The following OPRM1 variants were observed in gnomAD, a reference collection of about 807,000 sequenced individuals.
The protein encoded by OPRM1 is mu-type opioid receptor.
OPRM1 carries 27 observed loss-of-function variants against 31.8 expected under a neutral mutation model. The ratio of observed to expected loss-of-function variants is 0.85; its 90% CI spans 0.63 to 1.17. The LOEUF is 1.17. OPRM1 is among the 50% of genes most tolerant of loss of function. The pLI is 0.00. For synonymous variants in OPRM1, 196 were observed against 189.9 expected, an observed-to-expected ratio of 1.03 and a Z score of -0.26; for missense variants, 536 against 511.1, an observed-to-expected ratio of 1.05 and a Z score of -0.47.
At chr6:154,019,072 A>G (rs536504053) in intron 1 of OPRM1, among the ~76,000 whole-genome samples, 7 of 151,998 alleles carry the variant, frequency 4.6e-5, no homozygotes, top group Non-Finnish European at 8.8e-5. Flanking sequence ...CAAATCGAGC[A>G]CCCAACCTCT....
intron 1 of OPRM1, among the ~76,000 whole-genome samples, chr6:154,059,420 G>C (rs370180643): frequency 1.3e-5 from 2 of 152,178 alleles, no homozygotes; most frequent in African/African-American, 4.8e-5. Context: ...TGTGTGACTA[G>C]TGAGTGCTAA....
Position 154,150,540 on chromosome 6 carries a change from C to T in OPRM1, c.1164+59068C>T, listed in dbSNP as rs577953478. Among the ~76,000 whole-genome samples the T allele has an allele frequency of 7.2e-5, 11 of 152,324 alleles. No individual in the cohort carries two copies. In the South Asian group the frequency reaches 2.1e-3, roughly 29 times the overall value. On this transcript the variant is annotated intron_variant, in intron 3 of 3. Coordinates refer to the OPRM1 transcript ENST00000337049. ...GGCCAGGCATTGTCTTATAAGGTCC[C>T]TGCCTCATGGGAACCCTCTGGGTAG...
intron 1 of OPRM1, among the ~76,000 whole-genome samples, chr6:154,049,967 C>G (rs1252864435): frequency 6.6e-6 from 1 of 151,996 alleles, no homozygotes; most frequent in African/African-American, 2.4e-5. Flanking sequence ...CTGTATTTTT[C>G]TTTTTTTGAT....
At chr6:154,013,654 G>C (rs897894226) in intron 1 of OPRM1, among the ~76,000 whole-genome samples, 3 of 152,124 alleles carry the variant, frequency 2.0e-5, no homozygotes, top group Non-Finnish European at 4.4e-5. Context: ...TCACATTTCA[G>C]CAATACGTAT....
At chr6:154,054,678 T>C (rs1254431075) in intron 1 of OPRM1, among the ~76,000 whole-genome samples, 1 of 152,206 alleles carries the variant, frequency 6.6e-6, no homozygotes, top group Non-Finnish European at 1.5e-5. Context: ...GTTTTGAAAA[T>C]TTCTCTAAAT....
chr6:154,174,540 G>C (rs1472733500), intron 3 of OPRM1, among the ~76,000 whole-genome samples: 1 of 152,030 alleles, frequency 6.6e-6, no homozygotes, highest in East Asian at 1.9e-4. Context: ...TGATAAAACA[G>C]ACTTTAAACC....
At chr6:154,056,598 G>T (rs1441102367) in intron 1 of OPRM1, among the ~76,000 whole-genome samples, 1 of 151,610 alleles carries the variant, frequency 6.6e-6, no homozygotes, top group African/African-American at 2.4e-5. Context: ...TGACAACCTG[G>T]AATCTTACGG....
intron 3 of OPRM1, among the ~76,000 whole-genome samples, chr6:154,153,261 T>C (rs377744630): frequency 6.6e-6 from 1 of 152,148 alleles, no homozygotes; most frequent in Non-Finnish European, 1.5e-5. Flanking sequence ...GTAAGCAGGA[T>C]AGTGTTCAGT....
chr6:154,189,271 G>A (rs1245475235), intron 3 of OPRM1, among the ~76,000 whole-genome samples: 3 of 152,150 alleles, frequency 2.0e-5, no homozygotes, highest in Non-Finnish European at 4.4e-5. Flanking sequence ...CTTTGAGAGC[G>A]CTCATCCATG....
At chr6:154,062,463 T>A (rs1243513821) in intron 1 of OPRM1, among the ~76,000 whole-genome samples, 1 of 152,108 alleles carries the variant, frequency 6.6e-6, no homozygotes, top group African/African-American at 2.4e-5. Context: ...ACTTCTTTGC[T>A]TTGCCAAATT....
At chr6:154,191,145 G>A (rs2128580851) in intron 3 of OPRM1, among the ~76,000 whole-genome samples, 1 of 152,160 alleles carries the variant, frequency 6.6e-6, no homozygotes, top group African/African-American at 2.4e-5. Context: ...ATCTGAAAAG[G>A]GTACATACCA....
chr6:154,239,562 G>A (rs918423410), intron 3 of OPRM1, among the ~76,000 whole-genome samples: 4 of 152,176 alleles, frequency 2.6e-5, no homozygotes, highest in African/African-American at 9.7e-5. Flanking sequence ...GTCACCTACA[G>A]CTGCTGAAAT....
chr6:154,224,526 G>A (rs549475286), intron 3 of OPRM1, among the ~76,000 whole-genome samples: 8 of 152,178 alleles, frequency 5.3e-5, no homozygotes, highest in South Asian at 2.1e-4. Flanking sequence ...CAGCCAACAC[G>A]GTGAAACCCC....
intron 3 of OPRM1, among the ~76,000 whole-genome samples, chr6:154,246,173 G>GA (rs1781025137): frequency 6.6e-6 from 1 of 152,156 alleles, no homozygotes; most frequent in Non-Finnish European, 1.5e-5. Flanking sequence ...TCTCTGAATT[G>GA]AATCAACTGA....
chr6:154,142,233 C>T (rs1583651349), intron 3 of OPRM1, among the ~76,000 whole-genome samples: 1 of 54,048 alleles, frequency 1.9e-5, no homozygotes, highest in South Asian at 4.4e-4. Flanking sequence ...AAGCAGTTGT[C>T]ACACTGCCCC....
intron 1 of OPRM1, among the ~76,000 whole-genome samples, chr6:154,059,897 T>C (rs1784065015): frequency 6.6e-6 from 1 of 152,206 alleles, no homozygotes; most frequent in Admixed American, 6.5e-5. Context: ...AGATTAAAAT[T>C]ATTGTAAAAG....
chr6:154,030,152 A>G (rs142749250), intron 1 of OPRM1, among the ~76,000 whole-genome samples: 36 of 144,244 alleles, frequency 2.5e-4, no homozygotes, highest in African/African-American at 1.0e-3. Flanking sequence ...TTCCTTAAAA[A>G]TTAGTAGAAT....
upstream of OPRM1, among the ~76,000 whole-genome samples, chr6:154,035,140 T>A (rs1345238270): frequency 6.6e-6 from 1 of 152,098 alleles, no homozygotes; most frequent in African/African-American, 2.4e-5. Flanking sequence ...AAACCAAATA[T>A]CAGGAAGTAT....
intron 3 of OPRM1, among the ~76,000 whole-genome samples, chr6:154,143,944 G>C (rs957787070): frequency 1.3e-5 from 2 of 152,196 alleles, no homozygotes; most frequent in Non-Finnish European, 2.9e-5. Flanking sequence ...AAGAGAAAGA[G>C]AGAGAGAAAG....
Sources: gnomAD v4.1 joint callset for allele counts (sites outside exome capture counted in the v4.1 genomes callset) on GRCh38, gnomAD v4.1.1 for gene constraint, MANE v1.5 for transcripts, NCBI Gene and HGNC (gene_info 2026-07-23, HGNC 2026-07-21) for gene names.